STXBP4: variants seen among roughly 807,000 people sequenced by gnomAD.
STXBP4 encodes the protein syntaxin-binding protein 4.
In STXBP4, 55 loss-of-function variants were observed where a neutral mutation model predicts 76.1. The observed-to-expected ratio is 0.72, with a 90% CI of 0.58 to 0.91. The LOEUF is 0.91. STXBP4 is among the 40% of genes least tolerant of loss of function. STXBP4 has a pLI of 0.00. For synonymous variants in STXBP4, 201 were observed against 220.2 expected, an observed-to-expected ratio of 0.91 and a Z score of 0.77; for missense variants, 618 against 636.9, an observed-to-expected ratio of 0.97 and a Z score of 0.32.
chr17:55,069,459 T>C (rs2079096306), intron 12 of STXBP4, among the ~76,000 whole-genome samples: 1 of 152,186 alleles, frequency 6.6e-6, no homozygotes, highest in African/African-American at 2.4e-5. Context: ...CAGTTATTTA[T>C]TAGAAGACAG....
intron 16 of STXBP4, among the ~76,000 whole-genome samples, chr17:55,100,660 A>G (rs1870172974): frequency 6.6e-6 from 1 of 152,118 alleles, no homozygotes; most frequent in African/African-American, 2.4e-5. Flanking sequence ...TATAAAGGGG[A>G]AGAGTCTAAG....
At position 55,171,012 on chromosome 17, in the gene STXBP4, A is replaced by T. The variant is rs2080403321; in HGVS notation, c.*11101A>T. On this transcript the variant is annotated 3_prime_UTR_variant, in exon 18 of 18. Coordinates refer to ENST00000376352, the MANE Select transcript of STXBP4 (RefSeq NM_178509.6). ...ATCATTGGTTGAGCAGTCCTGCAGG[A>T]CATCTAAGTTTACCGTCTTTATCTT... 1 of 152,202 alleles carries T rather than the reference A, an allele frequency of 6.6e-6. No homozygotes were observed. Among genetic ancestry groups the T allele is most frequent in the African/African-American group, 2.4e-5 (1 of 41,448 alleles). The allele number at this position is 152,202 out of a possible 1,614,324, so 9.4% of individuals were successfully genotyped here.
chr17:54,972,367 T>C (rs575950339), intron 1 of STXBP4, among the ~76,000 whole-genome samples: 1 of 152,352 alleles, frequency 6.6e-6, no homozygotes, highest in South Asian at 2.1e-4. Context: ...GACAATTTTC[T>C]AATGTTATCA....
At chr17:55,086,859 T>C (rs1482912763) in intron 16 of STXBP4, among the ~76,000 whole-genome samples, 1 of 152,174 alleles carries the variant, frequency 6.6e-6, no homozygotes, top group Non-Finnish European at 1.5e-5. Context: ...CCATAGTGGC[T>C]TTACTAGTTT....
chr17:55,125,668 C>T (rs1291755941), intron 16 of STXBP4, among the ~76,000 whole-genome samples: 1 of 152,026 alleles, frequency 6.6e-6, no homozygotes, highest in Non-Finnish European at 1.5e-5. Context: ...ACCCTGGGTG[C>T]ACCTCCCTCT....
intron 17 of STXBP4, among the ~76,000 whole-genome samples, chr17:55,142,324 T>C (rs1471452837): frequency 6.6e-6 from 1 of 152,182 alleles, no homozygotes; most frequent in Admixed American, 6.5e-5. Context: ...GGGGACTCCT[T>C]TGTGTATCCT....
chr17:54,991,011 G>A (rs2077708054), intron 4 of STXBP4, 54 bp downstream of exon 4: 3 of 1,447,792 alleles, frequency 2.1e-6, no homozygotes, highest in South Asian at 1.7e-5. Context: ...CCCACCAGTG[G>A]TAAAGTTTAT....
chr17:54,988,828 T>C (rs7359696), intron 3 of STXBP4, among the ~76,000 whole-genome samples: 36,675 of 151,988 alleles, frequency 0.24, 4,976 homozygotes, highest in South Asian at 0.31. Flanking sequence ...GACCCTGTCC[T>C]CTCTGCCTTT....
the STXBP4 span, among the ~76,000 whole-genome samples, chr17:55,203,626 T>C: frequency 6.6e-6 from 1 of 152,186 alleles, no homozygotes; most frequent in South Asian, 2.1e-4. Flanking sequence ...GTGAAAATTA[T>C]AAGCAGATAC....
the STXBP4 span, among the ~76,000 whole-genome samples, chr17:55,195,487 C>G: frequency 6.6e-6 from 1 of 152,132 alleles, no homozygotes; most frequent in African/African-American, 2.4e-5. Context: ...CACTCTGTTA[C>G]CTAGACTAGA....
At chr17:54,971,831 G>T (rs1268586853) in intron 1 of STXBP4, among the ~76,000 whole-genome samples, 1 of 151,378 alleles carries the variant, frequency 6.6e-6, no homozygotes, top group East Asian at 1.9e-4. Flanking sequence ...AGATCTTGCT[G>T]GGTTGCTCAG....
chr17:55,055,463 T>C (rs1413296873), intron 12 of STXBP4, among the ~76,000 whole-genome samples: 1 of 152,210 alleles, frequency 6.6e-6, no homozygotes, highest in African/African-American at 2.4e-5. Flanking sequence ...AGGTCCCACC[T>C]GTGTTGCTAT....
intron 7 of STXBP4, 139 bp downstream of exon 7, chr17:55,001,022 G>A (rs926980104): frequency 5.2e-6 from 3 of 578,908 alleles, no homozygotes; most frequent in Non-Finnish European, 9.0e-6. Context: ...TAAAAATAAT[G>A]TCTTTCCGTT....
chr17:55,054,501 A>G (rs1302763769), intron 12 of STXBP4, among the ~76,000 whole-genome samples: 1 of 152,156 alleles, frequency 6.6e-6, no homozygotes, highest in Non-Finnish European at 1.5e-5. Context: ...CAAAACAAAA[A>G]CAAAAACACA....
the STXBP4 span, among the ~76,000 whole-genome samples, chr17:55,199,750 G>T: frequency 6.6e-6 from 1 of 152,146 alleles, no homozygotes. Flanking sequence ...TTTGTTCCTC[G>T]AGTGCTTAAA....
Position 54,999,751 on chromosome 17 carries a change from C to T in STXBP4, c.407C>T (p.Thr136Ile), listed in dbSNP as rs1223223320. The T allele has an allele frequency of 6.2e-7, 1 of 1,613,576 alleles. No individual in the cohort carries two copies. Among genetic ancestry groups the T allele is most frequent in the Admixed American group, 1.7e-5 (1 of 59,990 alleles). The change falls in exon 6 of 18, where the codon ACA becomes ATA. Residue 136 changes from threonine to isoleucine, a missense_variant. Physicochemically the swap from Thr to Ile is moderately conservative, Grantham distance 89. Transcript: ENST00000376352. ...ASGEYGPQAS[T>I]LSLFSSPPEI... is the part of the protein sequence containing the mutation. ...GGAGAATATGGACCTCAAGCCTCAA[C>T]ATTAAGTCTTTTTTCTTCTCCTCCT...
rs912002511 is a variant in STXBP4 at position 55,078,689 on chromosome 17, A to C, written c.1309A>C (p.Ile437Leu). 5.8e-6 allele frequency: 9 copies of C among 1,560,084 alleles called. No individual in the cohort carries two copies. Among genetic ancestry groups the C allele is most frequent in the Middle Eastern group, 1.7e-4 (1 of 5,928 alleles). Residue 437 changes from isoleucine to leucine, a missense_variant, in exon 15 of 18, where the codon ATT becomes CTT. Coordinates refer to ENST00000376352, the MANE Select transcript of STXBP4 (RefSeq NM_178509.6). Reference protein sequence around the residue: ...TEKLLHFVEAIQEVFSDNSTP... With the variant: ...TEKLLHFVEALQEVFSDNSTP... The stretch of plus-strand genomic sequence containing the variant: ...TCACCATCTTGTTTGTTGCTAGGCT[A>C]TTCAAGAAGTATTTTCTGATAATTC...
intron 7 of STXBP4, among the ~76,000 whole-genome samples, chr17:55,004,071 C>T (rs558162013): frequency 1.3e-5 from 2 of 151,696 alleles, no homozygotes; most frequent in Middle Eastern, 3.4e-3. Flanking sequence ...CCCAGCTACT[C>T]GGGAGGCTAA....
At chr17:55,208,550 GAAGC>G in the STXBP4 span, among the ~76,000 whole-genome samples, 2,664 of 120,840 alleles carry the variant, frequency 0.022, 107 homozygotes, top group African/African-American at 0.073. Context: ...AGGAAGGAAG[GAAGC>G]AAGGAAGGAA....
Sources: allele counts gnomAD v4.1 joint callset (sites outside exome capture counted in the v4.1 genomes callset), GRCh38; gene constraint gnomAD v4.1.1; transcripts MANE v1.5; gene names NCBI Gene and HGNC (gene_info 2026-07-23, HGNC 2026-07-21).